The following ICAM1 variants were observed in gnomAD, a reference collection of about 807,000 sequenced individuals.
ICAM1 encodes ICAM-1.
A neutral mutation model predicts 42.3 loss-of-function variants in ICAM1; 28 were observed. The observed-to-expected ratio is 0.66, with a 90% CI of 0.49 to 0.91. ICAM1 has a LOEUF of 0.91. Ranked by LOEUF, ICAM1 falls within the 40% of genes least tolerant of loss-of-function variation. The pLI is 0.00. For missense variants in ICAM1, 637 were observed against 688.6 expected, an observed-to-expected ratio of 0.93 and a Z score of 0.84; for synonymous variants, 304 against 305.9, an observed-to-expected ratio of 0.99 and a Z score of 0.07.
chr19:10,277,733 G>A (rs1244356967), intron 2 of ICAM1, among the ~76,000 whole-genome samples: 2 of 152,120 alleles, frequency 1.3e-5, no homozygotes, highest in South Asian at 2.1e-4. Flanking sequence ...TGATCTGCCC[G>A]CCTCGGCCTC....
chr19:10,279,771 A>C (rs1742064619), intron 2 of ICAM1, among the ~76,000 whole-genome samples: 1 of 152,094 alleles, frequency 6.6e-6, no homozygotes, highest in Non-Finnish European at 1.5e-5. Context: ...GGTGTGAGCC[A>C]CTGAGCCTGG....
rs558606006 is a variant in ICAM1, at chr19:10,281,626, A to C, written c.332-1855A>C. Among the ~76,000 whole-genome samples the C allele has an allele frequency of 5.9e-5, 9 of 152,066 alleles. No individual in the cohort carries two copies. In the South Asian group the frequency reaches 1.9e-3, roughly 32 times the overall value. On this transcript the variant is annotated intron_variant, in intron 2 of 6. Coordinates refer to ENST00000264832, the MANE Select transcript of ICAM1 (RefSeq NM_000201.3). ...CCTACCTTTAATAGCCCTATTTTACAGTTCAGGAAACTGAGGTTCAGAGAG... is the reference window on the plus strand; with the variant it reads ...CCTACCTTTAATAGCCCTATTTTACCGTTCAGGAAACTGAGGTTCAGAGAG...
Position 10,271,191 on chromosome 19 carries a change from C to T in ICAM1, c.32C>T (p.Pro11Leu). 1.2e-6 allele frequency: 2 copies of T among 1,613,442 alleles called. No individual in the cohort carries two copies. Among genetic ancestry groups the T allele is most frequent in the Non-Finnish European group, 1.7e-6 (2 of 1,179,874 alleles). The change falls in exon 1 of 7, where the codon CCC (proline) becomes CTC (leucine). Residue 11 changes from proline (P) to leucine (L), a missense_variant. Pro to Leu is a moderately conservative substitution (Grantham distance 98). Transcript: ENST00000264832. MAPSSPRPAL[P>L]ALLVLLGALF... is the part of the protein sequence containing the mutation. ...CCCAGCAGCCCCCGGCCCGCGCTGC[C>T]CGCACTCCTGGTCCTGCTCGGGGCT... is the stretch of plus-strand genomic sequence containing the variant.
chr19:10,283,063 G>T (rs999134250), intron 2 of ICAM1: 1 of 156,682 alleles, frequency 6.4e-6, no homozygotes, highest in Admixed American at 6.5e-5. Flanking sequence ...AATTAACCTG[G>T]TGTGGTGGTG....
Position 10,284,242 on chromosome 19 carries a change from G to T in ICAM1, c.847G>T (p.Glu283Ter). ...CTCAGTCAGTGTGACCGCAGAGGAC[G>T]AGGGCACCCAGCGGCTGACGTGTGC... ...KASVSVTAED[E>*]GTQRLTCAVI... Residue 283 changes from glutamate to a stop codon, truncating the protein, a stop_gained, in exon 4 of 7, where the codon GAG (glutamate) becomes TAG (stop). Transcript: ENST00000264832. LOFTEE classifies it high-confidence loss of function. The surrounding 1 kb of genome is among the most constrained non-coding windows in gnomAD (Gnocchi z 5.4). 1 of 1,613,980 alleles carries T rather than the reference G, an allele frequency of 6.2e-7. No individual in the cohort carries two copies. The highest frequency in any genetic ancestry group is 8.5e-7 in the Non-Finnish European group (1 of 1,180,016).
At chr19:10,272,340 G>A (rs1159053175) in intron 1 of ICAM1, among the ~76,000 whole-genome samples, 1 of 152,082 alleles carries the variant, frequency 6.6e-6, no homozygotes, top group Non-Finnish European at 1.5e-5. Context: ...CTTTCTAGCT[G>A]AGTAACCATT....
Position 10,284,524 on chromosome 19 carries a change from A to C in ICAM1, c.1047A>C (p.Pro349=). 6.2e-7 allele frequency: 1 copy of C among 1,613,994 alleles called. No homozygotes were observed. Among genetic ancestry groups the C allele is most frequent in the Non-Finnish European group, 8.5e-7 (1 of 1,179,964 alleles). Residue 349 remains proline (P), a synonymous_variant, in exon 5 of 7, where the codon CCA becomes CCC. Coordinates refer to ENST00000264832, the MANE Select transcript of ICAM1 (RefSeq NM_000201.3). The surrounding 1 kb of genome is among the most constrained non-coding windows in gnomAD (Gnocchi z 5.4). ...KVTLNGVPAQ[P]LGPRAQLLLK... ...CGCTGAATGGGGTTCCAGCCCAGCC[A>C]CTGGGCCCGAGGGCCCAGCTCCTGC...
chr19:10,284,953 C>A lies in ICAM1; in HGVS notation c.1351C>A (p.Leu451Ile). Reference protein sequence around the residue: ...IGESVTVTRDLEGTYLCRARS... With the variant: ...IGESVTVTRDIEGTYLCRARS... ...GGAATCAGTGACTGTCACTCGAGATCTTGAGGGCACCTACCTCTGTCGGGC... is the reference window on the plus strand; with the variant it reads ...GGAATCAGTGACTGTCACTCGAGATATTGAGGGCACCTACCTCTGTCGGGC... The change falls in exon 6 of 7, where the codon CTT (leucine) becomes ATT (isoleucine). Residue 451 changes from leucine (L) to isoleucine (I), a missense_variant. Physicochemically the swap from Leu to Ile is conservative, Grantham distance 5 (BLOSUM62 2). Coordinates refer to ENST00000264832, the MANE Select transcript of ICAM1 (RefSeq NM_000201.3). This position sits in a 1 kb window ranked among gnomAD's most constrained non-coding sequence, Gnocchi z 5.4. The A allele has an allele frequency of 6.2e-7, 1 of 1,610,734 alleles. No individual in the cohort carries two copies. Among genetic ancestry groups the A allele is most frequent in the Non-Finnish European group, 8.5e-7 (1 of 1,177,832 alleles).
At position 10,284,389 on chromosome 19, in the gene ICAM1, T is replaced by G. The variant is rs1418795856; in HGVS notation, c.926-14T>G. On this transcript the variant is annotated splice_polypyrimidine_tract_variant and intron_variant, in intron 4 of 6. Transcript: ENST00000264832. This position sits in a 1 kb window ranked among gnomAD's most constrained non-coding sequence, Gnocchi z 5.4. ...CCTGAACCCGGGGCGGGGCTCACTG[T>G]GTGCCTATTCCAGGCTTTCCGGCGC... 2.5e-6 allele frequency: 4 copies of G among 1,612,440 alleles called. No individual in the cohort carries two copies.
chr19:10,281,892 C>T (rs2040062175), intron 2 of ICAM1, among the ~76,000 whole-genome samples: 1 of 152,026 alleles, frequency 6.6e-6, no homozygotes, highest in Non-Finnish European at 1.5e-5. Context: ...AGGCACACAA[C>T]ACCACGCCTG....
chr19:10,281,023 A>G lies in ICAM1; in HGVS notation c.332-2458A>G, dbSNP rs373741825. Among the ~76,000 whole-genome samples the G allele has an allele frequency of 2.0e-3, 300 of 147,824 alleles. 5 individuals are homozygous for G. In the Middle Eastern group the frequency reaches 0.039, roughly 19 times the overall value. On this transcript the variant is annotated intron_variant, in intron 2 of 6. Coordinates refer to ENST00000264832, the MANE Select transcript of ICAM1 (RefSeq NM_000201.3). ...TGAGTAGCTGGGACTACAGGCGCCC[A>G]CCACCACGCCTGGCTAATTTTTTGT...
chr19:10,284,220 A>G lies in ICAM1; in HGVS notation c.825A>G (p.Ser275=). 1 of 1,614,032 alleles carries G rather than the reference A, an allele frequency of 6.2e-7. No individual in the cohort carries two copies. Among genetic ancestry groups the G allele is most frequent in the Non-Finnish European group, 8.5e-7 (1 of 1,180,034 alleles). The part of the protein sequence containing the change: ...YGNDSFSAKA[S]VSVTAEDEGT... ...ACGACTCCTTCTCGGCCAAGGCCTC[A>G]GTCAGTGTGACCGCAGAGGACGAGG... The change falls in exon 4 of 7, where the codon TCA becomes TCG. Residue 275 remains serine, a synonymous_variant. Coordinates refer to ENST00000264832, the MANE Select transcript of ICAM1 (RefSeq NM_000201.3). The surrounding 1 kb of genome is among the most constrained non-coding windows in gnomAD (Gnocchi z 5.4).
chr19:10,282,630 C>G (rs5030378), intron 2 of ICAM1, among the ~76,000 whole-genome samples: 151 of 152,164 alleles, frequency 9.9e-4, no homozygotes, highest in African/African-American at 3.3e-3. Flanking sequence ...AAGTGACCCT[C>G]TTGCCTTGGC....
Position 10,284,840 on chromosome 19 carries a change from C to G in ICAM1, c.1238C>G (p.Ser413Cys), listed in dbSNP as rs758430171. Residue 413 changes from serine (S) to cysteine (C), a missense_variant, in exon 6 of 7, where the codon TCC (serine) becomes TGC (cysteine). By Grantham distance (112) the Ser-to-Cys change is moderately radical. Coordinates refer to ENST00000264832, the MANE Select transcript of ICAM1 (RefSeq NM_000201.3). The surrounding 1 kb of genome is among the most constrained non-coding windows in gnomAD (Gnocchi z 5.4). ...CPGNWTWPEN[S>C]QQTPMCQAWG... ...GGAAACTGGACGTGGCCAGAAAATT[C>G]CCAGCAGACTCCAATGTGCCAGGCT... is the stretch of plus-strand genomic sequence containing the variant. 1 of 1,594,980 alleles carries G rather than the reference C, an allele frequency of 6.3e-7. No homozygotes were observed. Among genetic ancestry groups the G allele is most frequent in the Non-Finnish European group, 8.5e-7 (1 of 1,174,846 alleles).
At chr19:10,271,874 C>T (rs1248556088) in intron 1 of ICAM1, among the ~76,000 whole-genome samples, 1 of 152,030 alleles carries the variant, frequency 6.6e-6, no homozygotes, top group East Asian at 1.9e-4. Flanking sequence ...CCAGCACACC[C>T]TCCCCCAGCT....
intron 1 of ICAM1, among the ~76,000 whole-genome samples, chr19:10,273,447 G>A (rs566999218): frequency 5.9e-5 from 9 of 151,710 alleles, no homozygotes; most frequent in African/African-American, 1.7e-4. Flanking sequence ...AACTGAGATC[G>A]TGCCATTGCA....
chr19:10,285,571 G>A lies in ICAM1; in HGVS notation c.*284G>A. On this transcript the variant is annotated 3_prime_UTR_variant, in exon 7 of 7. Transcript: ENST00000264832. ...TGGATGTTAAAGTCTAGCCTGATGAGAGGGGAAGTGGTGGGGGAGACATAG... is the reference window on the plus strand; with the variant it reads ...TGGATGTTAAAGTCTAGCCTGATGAAAGGGGAAGTGGTGGGGGAGACATAG... 2 of 382,886 alleles carry A rather than the reference G, an allele frequency of 5.2e-6. No individual in the cohort carries two copies. Among genetic ancestry groups the A allele is most frequent in the East Asian group, 4.6e-5 (1 of 21,654 alleles). 23.7% of individuals were successfully genotyped at this position (382,886 alleles called of 1,614,324 possible).
At position 10,283,406 on chromosome 19, in the gene ICAM1, G is replaced by C. The variant is rs1484283114; in HGVS notation, c.332-75G>C. 1.2e-5 allele frequency: 17 copies of C among 1,430,016 alleles called. No homozygotes were observed. The East Asian group carries it at 1.4e-4, about 12-fold the overall frequency. 88.6% of individuals were successfully genotyped at this position (1,430,016 alleles called of 1,614,324 possible). A position where few individuals can be genotyped will look rare whatever the true frequency, so the allele number is the denominator to read the frequency against. On this transcript the variant is annotated intron_variant, in intron 2 of 6. Transcript: ENST00000264832. Reference sequence around the variant, plus strand: ...AGATACTGAAGAGGTAGGGCTCCCAGGCAGGTGCAGTTCGTCTGTTAGGCA... The same window carrying C: ...AGATACTGAAGAGGTAGGGCTCCCACGCAGGTGCAGTTCGTCTGTTAGGCA...
rs763087198 is a variant in ICAM1, at chr19:10,274,854, G to C, written c.157G>C (p.Asp53His). Residue 53 changes from aspartate (D) to histidine (H), a missense_variant, in exon 2 of 7, where the codon GAC becomes CAC. Asp to His is a moderately conservative substitution (Grantham distance 81, BLOSUM62 -1). Transcript: ENST00000264832. ...GCTGGTGACATGCAGCACCTCCTGT[G>C]ACCAGCCCAAGTTGTTGGGCATAGA... ...SVLVTCSTSC[D>H]QPKLLGIETP... The C allele has an allele frequency of 1.2e-6, 2 of 1,614,210 alleles. No homozygotes were observed. Among genetic ancestry groups the C allele is most frequent in the African/African-American group, 1.3e-5 (1 of 75,060 alleles).
Sources: allele counts gnomAD v4.1 joint callset (sites outside exome capture counted in the v4.1 genomes callset), GRCh38; gene constraint gnomAD v4.1.1; non-coding constraint Gnocchi (gnomAD v3.1); transcripts MANE v1.5; gene names NCBI Gene and HGNC (gene_info 2026-07-23, HGNC 2026-07-21).